The following CDH23 variants were observed in gnomAD, a reference collection of about 807,000 sequenced individuals.
CDH23 encodes the protein cadherin-23.
Under a neutral mutation model 317.1 loss-of-function variants are expected in CDH23, and 189 were observed. The ratio of observed to expected loss-of-function variants is 0.60; its 90% CI spans 0.53 to 0.67. CDH23 has a LOEUF of 0.67. Ranked by LOEUF, CDH23 falls within the 30% of genes least tolerant of loss-of-function variation. CDH23 has a pLI of 0.00. For missense variants in CDH23, 4,401 were observed against 4,592.4 expected, an observed-to-expected ratio of 0.96 and a Z score of 1.20; for synonymous variants, 1,839 against 1,876.8, an observed-to-expected ratio of 0.98 and a Z score of 0.52.
chr10:71,528,501 C>T (rs1288738118), intron 6 of CDH23, among the ~76,000 whole-genome samples: 3 of 152,222 alleles, frequency 2.0e-5, no homozygotes, highest in Non-Finnish European at 2.9e-5. Flanking sequence ...GCCTTGCAGC[C>T]GGCCTGCGGC....
chr10:71,770,782 C>T (rs2132910856), intron 38 of CDH23, among the ~76,000 whole-genome samples: 1 of 152,292 alleles, frequency 6.6e-6, no homozygotes, highest in South Asian at 2.1e-4. Context: ...GAAGGTCAGA[C>T]CCCAGCGGAA....
chr10:71,712,557 G>A (rs1390658431), intron 27 of CDH23, 108 bp from the exon 28 acceptor site: 3 of 1,298,016 alleles, frequency 2.3e-6, no homozygotes, highest in Non-Finnish European at 3.2e-6. Context: ...GGCAGATGGG[G>A]CGGAACAGGG....
rs150244300 is a variant in CDH23, at chr10:71,780,835, G to A, written c.5368+1388G>A. On this transcript the variant is annotated intron_variant, in intron 41 of 69. Coordinates refer to ENST00000224721, the MANE Select transcript of CDH23 (RefSeq NM_022124.6). ...TCACTCAGGCTAGAATGAGGTAGCC[G>A]GGAGAGGGTGGTGGCATCACCACCA... is the stretch of plus-strand genomic sequence containing the variant. 4.6e-3 allele frequency among the ~76,000 whole-genome samples: 708 copies of A among 152,272 alleles called. 5 individuals are homozygous for A. Among genetic ancestry groups the A allele is most frequent in the African/African-American group, 0.016 (680 of 41,534 alleles).
intron 1 of CDH23, among the ~76,000 whole-genome samples, chr10:71,419,463 C>G (rs1015270061): frequency 2.0e-5 from 3 of 152,164 alleles, no homozygotes; most frequent in Non-Finnish European, 4.4e-5. Context: ...TGGAAAGTCT[C>G]TAGCCCATAG....
chr10:71,430,016 G>A (rs915251265), intron 1 of CDH23, among the ~76,000 whole-genome samples: 38 of 152,216 alleles, frequency 2.5e-4, no homozygotes, highest in Admixed American at 9.2e-4. Flanking sequence ...CTGTAAGGTG[G>A]GATGTGAAAG....
At chr10:71,427,484 C>G (rs903469751) in intron 1 of CDH23, among the ~76,000 whole-genome samples, 4 of 152,178 alleles carry the variant, frequency 2.6e-5, no homozygotes, top group Non-Finnish European at 5.9e-5. Context: ...GTCTCCATTC[C>G]TTTTCATGGC....
chr10:71,412,316 G>A (rs903728562), intron 1 of CDH23, among the ~76,000 whole-genome samples: 2 of 152,138 alleles, frequency 1.3e-5, no homozygotes, highest in African/African-American at 4.8e-5. Context: ...TCTTTTGAGT[G>A]TATACCTAGG....
At chr10:71,466,243 T>A (rs1358131703) in intron 3 of CDH23, among the ~76,000 whole-genome samples, 1 of 152,144 alleles carries the variant, frequency 6.6e-6, no homozygotes, top group Non-Finnish European at 1.5e-5. Flanking sequence ...TTTGCATGTG[T>A]ATACACACAT....
intron 27 of CDH23, 187 bp from the exon 28 acceptor site, chr10:71,712,478 T>TA (rs1866012470): frequency 1.7e-6 from 1 of 604,982 alleles, no homozygotes. Context: ...CACATGGTGT[T>TA]ATCTAAGTAT....
intron 22 of CDH23, among the ~76,000 whole-genome samples, 164 bp from the exon 23 acceptor site, chr10:71,701,858 C>T (rs1289655463): frequency 1.3e-5 from 2 of 152,186 alleles, no homozygotes; most frequent in African/African-American, 2.4e-5. Flanking sequence ...CCTCCCAGCC[C>T]TCTCGGACCC....
intron 1 of CDH23, among the ~76,000 whole-genome samples, chr10:71,414,960 C>T (rs867898266): frequency 1.3e-5 from 2 of 152,086 alleles, no homozygotes; most frequent in Non-Finnish European, 2.9e-5. Flanking sequence ...CCATTTTATG[C>T]GTAATTCCAA....
intron 9 of CDH23, among the ~76,000 whole-genome samples, chr10:71,594,981 C>G (rs781252007): frequency 2.0e-5 from 3 of 152,206 alleles, no homozygotes; most frequent in Non-Finnish European, 4.4e-5. Flanking sequence ...AGGGCTCTGG[C>G]ATTAATATAC....
chr10:71,535,814 G>A (rs2132273784), intron 6 of CDH23, among the ~76,000 whole-genome samples: 1 of 152,344 alleles, frequency 6.6e-6, no homozygotes, highest in South Asian at 2.1e-4. Context: ...CCAGGCAAGT[G>A]GCATTACATT....
Position 71,507,774 on chromosome 10 carries a change from C to G in CDH23, c.146-2308C>G, listed in dbSNP as rs569884047. Among the ~76,000 whole-genome samples, 3 of 152,362 alleles carry G rather than the reference C, an allele frequency of 2.0e-5. No homozygotes were observed. In the South Asian group the frequency reaches 6.2e-4, roughly 32 times the overall value. ...TTTAGTATAAAACATTTATTTGTCA[C>G]CGGGCAATGCAAACGCTTTGGAAAG... On this transcript the variant is annotated intron_variant, in intron 3 of 69. Transcript: ENST00000224721.
At chr10:71,632,386 G>A (rs9663419) in intron 11 of CDH23, among the ~76,000 whole-genome samples, 1 of 152,250 alleles carries the variant, frequency 6.6e-6, no homozygotes, top group African/African-American at 2.4e-5. Flanking sequence ...GGGAGCCATA[G>A]ATGGTCCTTG....
At chr10:71,472,449 C>A (rs1046136942) in intron 3 of CDH23, among the ~76,000 whole-genome samples, 19 of 152,222 alleles carry the variant, frequency 1.2e-4, no homozygotes, top group Non-Finnish European at 2.4e-4. Flanking sequence ...ACGTTAAATC[C>A]CCTCTCTTCG....
intron 9 of CDH23, among the ~76,000 whole-genome samples, chr10:71,596,071 G>T (rs1274875599): frequency 6.6e-6 from 1 of 152,098 alleles, no homozygotes; most frequent in Non-Finnish European, 1.5e-5. Context: ...GGCACCAAGG[G>T]TGGCGCCTTC....
At chr10:71,575,532 A>G (rs192095514) in intron 8 of CDH23, among the ~76,000 whole-genome samples, 122 of 152,226 alleles carry the variant, frequency 8.0e-4, no homozygotes, top group Middle Eastern at 6.8e-3. Context: ...TCCTCCCATT[A>G]CAAACAGCGG....
intron 3 of CDH23, among the ~76,000 whole-genome samples, chr10:71,506,265 T>C (rs535785881): frequency 1.3e-5 from 2 of 152,176 alleles, no homozygotes; most frequent in South Asian, 2.1e-4. Flanking sequence ...TTCATGGGCA[T>C]GGAGTTTCCT....
Sources: allele counts gnomAD v4.1 joint callset (sites outside exome capture counted in the v4.1 genomes callset), GRCh38; gene constraint gnomAD v4.1.1; transcripts MANE v1.5; gene names NCBI Gene and HGNC (gene_info 2026-07-23, HGNC 2026-07-21).